MTRR: variants seen among roughly 807,000 people sequenced by gnomAD.
MTRR encodes the protein methionine synthase reductase.
MTRR carries 63 observed loss-of-function variants against 79.2 expected under a neutral mutation model. That is an observed-to-expected ratio of 0.80 (90% confidence interval 0.65 to 0.98). MTRR has a LOEUF of 0.98. Ranked by LOEUF, MTRR falls within the 50% of genes least tolerant of loss-of-function variation. The pLI is 0.00. For missense variants in MTRR, 895 were observed against 839.6 expected, an observed-to-expected ratio of 1.07 and a Z score of -0.82; for synonymous variants, 355 against 313.3, an observed-to-expected ratio of 1.13 and a Z score of -1.41.
Position 7,900,992 on chromosome 5 carries a change from A to G in MTRR, c.*934A>G, listed in dbSNP as rs1739384155. On this transcript the variant is annotated 3_prime_UTR_variant, in exon 15 of 15. Transcript: ENST00000440940. ...ATTTGCACAAACAAAACAAAATGTT[A>G]TGATAATCTTTCTCCACTGTTCTAA... 1 of 152,188 alleles carries G rather than the reference A, an allele frequency of 6.6e-6. No homozygotes were observed. The highest frequency in any genetic ancestry group is 2.1e-4 in the South Asian group (1 of 4,832). 9.4% of individuals were successfully genotyped at this position (152,188 alleles called of 1,614,324 possible). A position where few individuals can be genotyped will look rare whatever the true frequency, so the allele number is the denominator to read the frequency against.
exon 1 of MTRR, chr5:7,851,355 C>T (rs1746075293): frequency 1.2e-5 from 3 of 258,744 alleles, no homozygotes; most frequent in Non-Finnish European, 1.5e-5. Flanking sequence ...CCCTGCTTCA[C>T]TCACTGATCA....
In MTRR at chr5:7,863,857, T is replaced by A. The variant is rs1331806934; in HGVS notation, n.498+1800T>A. On this transcript the variant is annotated intron_variant and non_coding_transcript_variant, in intron 2 of 3. Transcript: ENST00000502509. ...TTACCTTTTTTTTTGTTTGTTTTTG[T>A]TTTTGTTTCTGAGACAGAGTTTCAC... Among the ~76,000 whole-genome samples, 3 of 152,256 alleles carry A rather than the reference T, an allele frequency of 2.0e-5. No homozygotes were observed. In the East Asian group the frequency reaches 5.8e-4, roughly 29 times the overall value.
At chr5:7,875,878 C>G (rs1172704319) in intron 4 of MTRR, among the ~76,000 whole-genome samples, 1 of 152,212 alleles carries the variant, frequency 6.6e-6, no homozygotes, top group African/African-American at 2.4e-5. Flanking sequence ...CAGACGTTTA[C>G]AGACGCATAC....
At chr5:7,867,747 C>T (rs1442859949), upstream of MTRR, 13 of 1,614,102 alleles carry the variant, frequency 8.1e-6, no homozygotes, top group East Asian at 2.7e-4. Flanking sequence ...AGCACTTCTT[C>T]TGATGAAGTC....
chr5:7,880,957 C>T (rs1735481264), intron 5 of MTRR, among the ~76,000 whole-genome samples: 1 of 152,184 alleles, frequency 6.6e-6, no homozygotes, highest in Non-Finnish European at 1.5e-5. Context: ...GGGAGAAGGA[C>T]TGCAGAAGCC....
chr5:7,865,243 T>A (rs951433516), upstream of MTRR, among the ~76,000 whole-genome samples: 2 of 152,186 alleles, frequency 1.3e-5, no homozygotes, highest in African/African-American at 4.8e-5. Context: ...TATCTTTATA[T>A]AACTTAGTAC....
chr5:7,861,506 C>T (rs13154459), intron 1 of MTRR: 196,957 of 1,071,488 alleles, frequency 0.18, 20,236 homozygotes, highest in Non-Finnish European at 0.21. Context: ...TTTTTTTCAC[C>T]TTCTTGAGAA....
rs1367244831 is a variant in MTRR, at chr5:7,869,361, G to T, written c.-26+146G>T. 17 of 834,538 alleles carry T rather than the reference G, an allele frequency of 2.0e-5. No individual in the cohort carries two copies. The East Asian group carries it at 4.5e-4, about 22-fold the overall frequency. 51.7% of individuals were successfully genotyped at this position (834,538 alleles called of 1,614,324 possible). Reference sequence around the variant, plus strand: ...TCGGCCTCCGGGGGTCGCCGCGGGCGCGGGCTGGGGCTCGGACTTGGCCTT... The same window carrying T: ...TCGGCCTCCGGGGGTCGCCGCGGGCTCGGGCTGGGGCTCGGACTTGGCCTT... On this transcript the variant is annotated intron_variant, in intron 1 of 14. Transcript: ENST00000440940.
chr5:7,881,645 G>A (rs1449396500), intron 5 of MTRR, among the ~76,000 whole-genome samples: 2 of 152,074 alleles, frequency 1.3e-5, no homozygotes, highest in South Asian at 4.1e-4. Context: ...ACTGTCATGG[G>A]CTGCATGAGA....
rs1361273528 is a variant in MTRR, at chr5:7,870,875, G to A, written c.81G>A (p.Val27=). 2 of 1,614,100 alleles carry A rather than the reference G, an allele frequency of 1.2e-6. No individual in the cohort carries two copies. The highest frequency in any genetic ancestry group is 1.3e-5 in the African/African-American group (1 of 75,010). ...AIAEEICEQA[V]VHGFSADLHC... is the part of the protein sequence containing the mutation. ...CAGAAGAAATATGTGAGCAAGCTGTGGTACATGGATTTTCTGCAGATCTTC... is the reference window on the plus strand; with the variant it reads ...CAGAAGAAATATGTGAGCAAGCTGTAGTACATGGATTTTCTGCAGATCTTC... The change falls in exon 2 of 15, where the codon GTG becomes GTA. Residue 27 remains valine, a synonymous_variant. Coordinates refer to ENST00000440940, the MANE Select transcript of MTRR (RefSeq NM_002454.3).
chr5:7,871,862 G>C (rs1185933575), intron 2 of MTRR, among the ~76,000 whole-genome samples: 1 of 152,222 alleles, frequency 6.6e-6, no homozygotes, highest in African/African-American at 2.4e-5. Context: ...TCAGATTGCA[G>C]TGCCACATGA....
In MTRR at chr5:7,878,136, T is replaced by C. The variant is rs773514527; in HGVS notation, c.594T>C (p.Asp198=). 5 of 1,613,976 alleles carry C rather than the reference T, an allele frequency of 3.1e-6. No individual in the cohort carries two copies. The highest frequency in any genetic ancestry group is 3.3e-5 in the Admixed American group (2 of 59,988). The change falls in exon 5 of 15, where the codon GAT becomes GAC. Residue 198 remains aspartate, a synonymous_variant. Coordinates refer to ENST00000440940, the MANE Select transcript of MTRR (RefSeq NM_002454.3). ...AAGTCGAGCTTCTGAGATTCGATGA[T>C]TCAGGAAGAAAGGATTCTGAGGTTT... is the stretch of plus-strand genomic sequence containing the variant. ...ESQVELLRFD[D]SGRKDSEVLK... is the part of the protein sequence containing the mutation.
chr5:7,863,707 T>G (rs66759079), intron 2 of MTRR, among the ~76,000 whole-genome samples: 42,458 of 152,102 alleles, frequency 0.28, 6,326 homozygotes, highest in Middle Eastern at 0.38. Context: ...TGGTTATTTA[T>G]TTGGAAAATA....
intron 3 of MTRR, among the ~76,000 whole-genome samples, chr5:7,874,665 A>G (rs977881646): frequency 5.5e-5 from 8 of 145,900 alleles, no homozygotes; most frequent in Non-Finnish European, 8.9e-5. Flanking sequence ...AACATACCAC[A>G]TTGTTAATTG....
upstream of MTRR, among the ~76,000 whole-genome samples, chr5:7,866,393 A>G (rs1375648548): frequency 6.6e-6 from 1 of 152,014 alleles, no homozygotes; most frequent in Non-Finnish European, 1.5e-5. Context: ...TGCCATTACC[A>G]TATCTCCTAA....
At chr5:7,854,891 A>G (rs571514507) in intron 1 of MTRR, among the ~76,000 whole-genome samples, 53 of 152,350 alleles carry the variant, frequency 3.5e-4, no homozygotes, top group African/African-American at 1.3e-3. Flanking sequence ...AGGCTAAGCC[A>G]GTCTAGTCTT....
chr5:7,867,217 G>A, upstream of MTRR: 1 of 1,614,070 alleles, frequency 6.2e-7, no homozygotes, highest in South Asian at 1.1e-5. Context: ...GACTCAGGTT[G>A]GAAACTATTG....
At chr5:7,890,853 T>A (rs969684948) in intron 9 of MTRR, among the ~76,000 whole-genome samples, 9 of 152,238 alleles carry the variant, frequency 5.9e-5, no homozygotes, top group African/African-American at 1.9e-4. Context: ...TTTGATAAAT[T>A]TTTAAAAACC....
At chr5:7,868,165 A>C, upstream of MTRR, 1 of 706,856 alleles carries the variant, frequency 1.4e-6, no homozygotes, top group Non-Finnish European at 2.2e-6. Flanking sequence ...GATTGACCCA[A>C]CATCAATGTT....
Sources: gnomAD v4.1 joint callset for allele counts (sites outside exome capture counted in the v4.1 genomes callset) on GRCh38, gnomAD v4.1.1 for gene constraint, MANE v1.5 for transcripts, NCBI Gene and HGNC (gene_info 2026-07-23, HGNC 2026-07-21) for gene names.